GMDS: variants seen among roughly 807,000 people sequenced by gnomAD.
The protein encoded by GMDS is GDP-mannose 4,6-dehydratase, also known as GDP-mannose 4,6 dehydratase.
A neutral mutation model predicts 49.9 loss-of-function variants in GMDS; 20 were observed. That is an observed-to-expected ratio of 0.40 (90% CI 0.28 to 0.58). The LOEUF (loss-of-function observed/expected upper bound fraction) is 0.58. Ranked by LOEUF, GMDS falls within the 20% of genes least tolerant of loss-of-function variation. The pLI, the probability that GMDS is intolerant of heterozygous loss-of-function variation, is 0.42. For synonymous variants in GMDS, 177 were observed against 178.6 expected, an observed-to-expected ratio of 0.99 and a Z score of 0.07; for missense variants, 362 against 481.4, an observed-to-expected ratio of 0.75 and a Z score of 2.32.
At chr6:2,234,724 T>C (rs1318702913) in intron 1 of GMDS, among the ~76,000 whole-genome samples, 1 of 152,200 alleles carries the variant, frequency 6.6e-6, no homozygotes, top group Admixed American at 6.5e-5. Context: ...AGAAACATTC[T>C]CAAAAATGAT....
intron 7 of GMDS, among the ~76,000 whole-genome samples, chr6:1,868,143 C>T (rs760028062): frequency 6.6e-5 from 10 of 152,062 alleles, no homozygotes; most frequent in Non-Finnish European, 1.5e-5. Flanking sequence ...CCCGCCAGCA[C>T]GCCTGGCTAA....
chr6:2,225,202 C>T (rs1780762743), intron 1 of GMDS, among the ~76,000 whole-genome samples: 2 of 151,400 alleles, frequency 1.3e-5, no homozygotes, highest in Admixed American at 1.3e-4. Context: ...TGGTAGTGCA[C>T]AACTGTGGTC....
chr6:2,021,561 A>G (rs1273320080), intron 4 of GMDS, among the ~76,000 whole-genome samples: 1 of 152,210 alleles, frequency 6.6e-6, no homozygotes, highest in Non-Finnish European at 1.5e-5. Flanking sequence ...GGTGGAAAAA[A>G]AGCCAAAAAT....
chr6:1,732,430 T>C (rs1185708606), intron 8 of GMDS, among the ~76,000 whole-genome samples: 1 of 152,136 alleles, frequency 6.6e-6, no homozygotes, highest in Non-Finnish European at 1.5e-5. Flanking sequence ...TTGACTTGAC[T>C]CCAAAATTAA....
chr6:1,769,433 C>T (rs1220145152), intron 7 of GMDS, among the ~76,000 whole-genome samples: 1 of 152,234 alleles, frequency 6.6e-6, no homozygotes, highest in African/African-American at 2.4e-5. Flanking sequence ...TATGAAAACA[C>T]AAACAACCCA....
At chr6:1,922,965 C>G (rs1252729929) in intron 7 of GMDS, among the ~76,000 whole-genome samples, 8 of 152,194 alleles carry the variant, frequency 5.3e-5, no homozygotes, top group Non-Finnish European at 8.8e-5. Flanking sequence ...GGCGGTTCCC[C>G]CATCCTGTTC....
intron 7 of GMDS, among the ~76,000 whole-genome samples, chr6:1,790,306 A>G (rs1769484905): frequency 6.6e-6 from 1 of 152,222 alleles, no homozygotes; most frequent in Non-Finnish European, 1.5e-5. Flanking sequence ...GCTCACAATT[A>G]CTGAATGCCT....
chr6:1,944,875 T>C (rs934100364), intron 6 of GMDS, among the ~76,000 whole-genome samples: 1 of 152,176 alleles, frequency 6.6e-6, no homozygotes, highest in Non-Finnish European at 1.5e-5. Flanking sequence ...AGAATCTTAG[T>C]TGGCTCTAAT....
intron 1 of GMDS, among the ~76,000 whole-genome samples, chr6:2,238,977 T>C (rs2127600371): frequency 6.6e-6 from 1 of 152,322 alleles, no homozygotes; most frequent in East Asian, 1.9e-4. Flanking sequence ...TTCTTCTTAG[T>C]TTACAAACTT....
At chr6:2,234,117 G>C (rs1781240238) in intron 1 of GMDS, among the ~76,000 whole-genome samples, 1 of 151,980 alleles carries the variant, frequency 6.6e-6, no homozygotes, top group Admixed American at 6.5e-5. Flanking sequence ...TAAAAATAAA[G>C]ACAACAAACA....
intron 9 of GMDS, among the ~76,000 whole-genome samples, chr6:1,659,760 C>T (rs1237903091): frequency 1.3e-5 from 2 of 152,050 alleles, no homozygotes; most frequent in Non-Finnish European, 2.9e-5. Flanking sequence ...CTCTCAGCAA[C>T]ACTGAATTAC....
chr6:2,099,794 G>T (rs1465309597), intron 4 of GMDS, among the ~76,000 whole-genome samples: 1 of 151,930 alleles, frequency 6.6e-6, no homozygotes, highest in Non-Finnish European at 1.5e-5. Context: ...TATTTCTTGA[G>T]AAAAACCATT....
chr6:1,970,465 T>TA (rs1764536179), intron 4 of GMDS, among the ~76,000 whole-genome samples: 1 of 151,968 alleles, frequency 6.6e-6, no homozygotes, highest in South Asian at 2.1e-4. Flanking sequence ...GGTGCAGACC[T>TA]AGAAGCACTG....
chr6:1,674,556 CTCTCTTTTTTTTTT>C (rs1764541410), intron 9 of GMDS, among the ~76,000 whole-genome samples: 1 of 85,280 alleles, frequency 1.2e-5, no homozygotes, highest in African/African-American at 3.7e-5. Context: ...CTCTCTCTCT[CTCTCTTTTTTTTTT>C]TTTTTTTTTT....
At chr6:2,218,216 A>G (rs1780425447) in intron 1 of GMDS, among the ~76,000 whole-genome samples, 1 of 152,232 alleles carries the variant, frequency 6.6e-6, no homozygotes, top group African/African-American at 2.4e-5. Flanking sequence ...AAAAAGAGGA[A>G]AAGAAAGAGA....
intron 6 of GMDS, among the ~76,000 whole-genome samples, chr6:1,942,756 C>T (rs1762879387): frequency 6.6e-6 from 1 of 152,196 alleles, no homozygotes. Context: ...GACGTTCCTG[C>T]CATTCCCATA....
At chr6:1,726,059 C>T (rs1766572137) in intron 9 of GMDS, among the ~76,000 whole-genome samples, 1 of 152,204 alleles carries the variant, frequency 6.6e-6, no homozygotes, top group Admixed American at 6.5e-5. Context: ...CCTAGATGTC[C>T]TGCAGGTCTG....
chr6:1,734,031 G>A (rs976936570), intron 8 of GMDS, among the ~76,000 whole-genome samples: 2 of 152,154 alleles, frequency 1.3e-5, no homozygotes, highest in Non-Finnish European at 2.9e-5. Flanking sequence ...TGCTTGGGAA[G>A]CACTGCTTTA....
intron 9 of GMDS, among the ~76,000 whole-genome samples, chr6:1,708,822 G>A (rs767394013): frequency 6.6e-6 from 1 of 152,188 alleles, no homozygotes; most frequent in Non-Finnish European, 1.5e-5. Context: ...TCACAGCTTT[G>A]GGTTTTAAAT....
Sources: allele counts gnomAD v4.1 joint callset (sites outside exome capture counted in the v4.1 genomes callset), GRCh38; gene constraint gnomAD v4.1.1; transcripts MANE v1.5; gene names NCBI Gene and HGNC (gene_info 2026-07-23, HGNC 2026-07-21).